SNTB2: variants seen among roughly 807,000 people sequenced by gnomAD.
The protein encoded by SNTB2 is beta-2-syntrophin.
Under a neutral mutation model 46.2 loss-of-function variants are expected in SNTB2, and 34 were observed. The ratio of observed to expected loss-of-function variants is 0.74; its 90% CI spans 0.56 to 0.98. The LOEUF (loss-of-function observed/expected upper bound fraction) is 0.98, where lower values mean the gene tolerates loss of function less well. Ranked by LOEUF, SNTB2 falls within the 50% of genes least tolerant of loss-of-function variation. The pLI is 0.00. For synonymous variants in SNTB2, 290 were observed against 312.6 expected (o/e 0.93, Z 0.76); for missense variants, 603 against 731.4 (o/e 0.82, Z 2.02).
intron 4 of SNTB2, among the ~76,000 whole-genome samples, chr16:69,281,401 T>C (rs978685610): frequency 6.6e-6 from 1 of 152,056 alleles, no homozygotes; most frequent in African/African-American, 2.4e-5. Flanking sequence ...CAGGCTAATT[T>C]TTGTAGAAAT....
intron 5 of SNTB2, among the ~76,000 whole-genome samples, chr16:69,287,191 A>G (rs1965111993): frequency 6.6e-6 from 1 of 152,188 alleles, no homozygotes; most frequent in Admixed American, 6.5e-5. Flanking sequence ...ATTTACATAT[A>G]TGTATACATG....
intron 3 of SNTB2, among the ~76,000 whole-genome samples, chr16:69,262,833 C>T (rs1435071835): frequency 6.6e-6 from 1 of 151,920 alleles, no homozygotes; most frequent in African/African-American, 2.4e-5. Flanking sequence ...CATGCCACCA[C>T]ACCCAGCTAA....
Position 69,306,186 on chromosome 16 carries a change from G to A in SNTB2, c.*5262G>A, listed in dbSNP as rs1965314628. ...CTTAAAGGATAGAATTTCAAGTTAA[G>A]GATAAGGCACAATAAATAGGCACAT... is the stretch of plus-strand genomic sequence containing the variant. On this transcript the variant is annotated 3_prime_UTR_variant, in exon 7 of 7. Coordinates refer to ENST00000336278, the MANE Select transcript of SNTB2 (RefSeq NM_006750.4). 6.6e-6 allele frequency: 1 copy of A among 151,982 alleles called. No homozygotes were observed. Among genetic ancestry groups the A allele is most frequent in the African/African-American group, 2.4e-5 (1 of 41,402 alleles). The allele number at this position is 151,982 out of a possible 1,614,324, so 9.4% of individuals were successfully genotyped here.
At chr16:69,285,704 T>C (rs1965096470) in intron 5 of SNTB2, among the ~76,000 whole-genome samples, 1 of 151,960 alleles carries the variant, frequency 6.6e-6, no homozygotes, top group Admixed American at 6.6e-5. Flanking sequence ...TTGCCCAGGC[T>C]GGTCTCAAAC....
At chr16:69,270,078 G>T in intron 3 of SNTB2, 65 bp from the exon 4 acceptor site, 1 of 1,597,384 alleles carries the variant, frequency 6.3e-7, no homozygotes, top group Non-Finnish European at 8.6e-7. Context: ...GGCCATCATT[G>T]AAGGAACTTT....
chr16:69,189,344 A>C (rs1466250885), intron 1 of SNTB2, among the ~76,000 whole-genome samples: 2 of 152,240 alleles, frequency 1.3e-5, no homozygotes, highest in African/African-American at 4.8e-5. Context: ...TGGTCTAGCT[A>C]AGCATTTGGT....
intron 1 of SNTB2, 96 bp downstream of exon 1, chr16:69,187,842 C>A: frequency 1.1e-6 from 1 of 948,394 alleles, no homozygotes; most frequent in Non-Finnish European, 1.4e-6. Flanking sequence ...CGAGCCGGTT[C>A]TCTCCCCGTC....
intron 1 of SNTB2, among the ~76,000 whole-genome samples, chr16:69,214,129 T>TA (rs1964321096): frequency 6.9e-6 from 1 of 145,556 alleles, no homozygotes; most frequent in South Asian, 2.2e-4. Flanking sequence ...AGCCTTTTAT[T>TA]TTTTTTTTTT....
At chr16:69,190,044 G>A (rs1007114814) in intron 1 of SNTB2, among the ~76,000 whole-genome samples, 5 of 152,182 alleles carry the variant, frequency 3.3e-5, no homozygotes, top group African/African-American at 1.2e-4. Context: ...GCCACTGGGT[G>A]TAAAAATAAA....
intron 1 of SNTB2, among the ~76,000 whole-genome samples, chr16:69,201,526 C>G (rs1400350230): frequency 2.0e-5 from 3 of 152,084 alleles, no homozygotes; most frequent in Non-Finnish European, 4.4e-5. Flanking sequence ...ATCTAAAATT[C>G]TTTATGAAAG....
intron 4 of SNTB2, among the ~76,000 whole-genome samples, chr16:69,277,338 A>G (rs1024444034): frequency 3.3e-5 from 5 of 152,144 alleles, no homozygotes; most frequent in African/African-American, 1.2e-4. Context: ...ACCAAATGAG[A>G]TTTTTTTATC....
intron 1 of SNTB2, chr16:69,230,279 C>CT (rs932019609): frequency 6.6e-6 from 1 of 152,012 alleles, no homozygotes; most frequent in African/African-American, 2.4e-5. Context: ...TCTATATATA[C>CT]TTTTTTTAAT....
At chr16:69,224,453 C>G in intron 1 of SNTB2, among the ~76,000 whole-genome samples, 1 of 152,100 alleles carries the variant, frequency 6.6e-6, no homozygotes, top group Non-Finnish European at 1.5e-5. Flanking sequence ...CCTCATGATC[C>G]GCTTGCCTTG....
chr16:69,268,554 T>C (rs187925206), intron 3 of SNTB2, among the ~76,000 whole-genome samples: 8 of 152,112 alleles, frequency 5.3e-5, no homozygotes, highest in Middle Eastern at 3.4e-3. Flanking sequence ...TCTGGGTTAA[T>C]ACAATTTTTA....
intron 1 of SNTB2, among the ~76,000 whole-genome samples, chr16:69,243,517 T>C (rs1347515615): frequency 6.6e-6 from 1 of 152,206 alleles, no homozygotes; most frequent in Non-Finnish European, 1.5e-5. Context: ...ATGAACTGAG[T>C]AGATCGTTAA....
Position 69,245,522 on chromosome 16 carries a change from C to A in SNTB2, c.581-80C>A, listed in dbSNP as rs977758000. 7 of 1,321,898 alleles carry A rather than the reference C, an allele frequency of 5.3e-6. No homozygotes were observed. In the African/African-American group the frequency reaches 7.3e-5, roughly 14 times the overall value. The allele number at this position is 1,321,898 out of a possible 1,614,324, so 81.9% of individuals were successfully genotyped here. On this transcript the variant is annotated intron_variant, in intron 1 of 6. Transcript: ENST00000336278. ...TTCCTCCACTTTGTTATAGATATAGCATGTATGTGAATACTTTAGTTATCA... is the reference window on the plus strand; with the variant it reads ...TTCCTCCACTTTGTTATAGATATAGAATGTATGTGAATACTTTAGTTATCA...
intron 1 of SNTB2, among the ~76,000 whole-genome samples, chr16:69,225,303 C>T (rs1026642905): frequency 4.6e-5 from 7 of 152,202 alleles, no homozygotes; most frequent in Non-Finnish European, 1.0e-4. Flanking sequence ...ATTGTATTTC[C>T]GTCTATAGTT....
At chr16:69,275,282 C>T (rs918211681) in intron 4 of SNTB2, among the ~76,000 whole-genome samples, 2 of 152,138 alleles carry the variant, frequency 1.3e-5, no homozygotes, top group African/African-American at 2.4e-5. Context: ...CCAGTCTGGT[C>T]TCAAACTCCT....
intron 4 of SNTB2, among the ~76,000 whole-genome samples, chr16:69,276,623 A>G (rs1264233192): frequency 6.6e-6 from 1 of 152,188 alleles, no homozygotes; most frequent in East Asian, 1.9e-4. Flanking sequence ...TTTTTTGGGA[A>G]TCAGCTCAGT....
Sources: allele counts gnomAD v4.1 joint callset (sites outside exome capture counted in the v4.1 genomes callset), GRCh38; gene constraint gnomAD v4.1.1; transcripts MANE v1.5; gene names NCBI Gene and HGNC (gene_info 2026-07-23, HGNC 2026-07-21).